CNTN6: variants seen among roughly 807,000 people sequenced by gnomAD.
CNTN6 encodes contactin 6.
Under a neutral mutation model 122.8 loss-of-function variants are expected in CNTN6, and 137 were observed. The ratio of observed to expected loss-of-function variants is 1.12; its 90% confidence interval spans 0.97 to 1.29. The LOEUF (loss-of-function observed/expected upper bound fraction) is 1.29. CNTN6 is among the 50% of genes most tolerant of loss of function. The pLI is 0.00. For missense variants in CNTN6, 1,634 were observed against 1,223.4 expected (o/e 1.34, Z -5.01); for synonymous variants, 570 against 426.0 (o/e 1.34, Z -4.16).
At chr3:1,172,292 G>A (rs924412660) in intron 2 of CNTN6, among the ~76,000 whole-genome samples, 1 of 152,100 alleles carries the variant, frequency 6.6e-6, no homozygotes, top group African/African-American at 2.4e-5. Context: ...CTCTGCAGAT[G>A]CTACTGGTGA....
chr3:1,183,978 T>C (rs2093595650), intron 2 of CNTN6, among the ~76,000 whole-genome samples: 1 of 152,208 alleles, frequency 6.6e-6, no homozygotes, highest in African/African-American at 2.4e-5. Flanking sequence ...CCTAGCTGGC[T>C]AGCGGCTGAA....
intron 4 of CNTN6, among the ~76,000 whole-genome samples, chr3:1,267,479 G>A (rs1236463762): frequency 6.6e-6 from 1 of 152,142 alleles, no homozygotes; most frequent in Non-Finnish European, 1.5e-5. Context: ...GAAGGTCTCA[G>A]TAATTAAGAG....
intron 2 of CNTN6, among the ~76,000 whole-genome samples, chr3:1,166,540 G>C (rs2093252927): frequency 1.3e-5 from 2 of 152,092 alleles, no homozygotes; most frequent in Admixed American, 6.6e-5. Context: ...TTGTTTTAAA[G>C]GAATCAAACT....
chr3:1,236,025 A>T (rs2094417024), intron 4 of CNTN6, among the ~76,000 whole-genome samples: 1 of 151,962 alleles, frequency 6.6e-6, no homozygotes, highest in Admixed American at 6.6e-5. Flanking sequence ...TCGGACTGGG[A>T]ACTGTACCCC....
intron 4 of CNTN6, among the ~76,000 whole-genome samples, chr3:1,234,878 TATC>T (rs1195044981): frequency 1.4e-4 from 22 of 152,334 alleles, no homozygotes; most frequent in African/African-American, 4.6e-4. Flanking sequence ...CACCAATTGT[TATC>T]ATATCAAGGA....
intron 2 of CNTN6, among the ~76,000 whole-genome samples, chr3:1,217,779 T>G (rs1464837010): frequency 6.6e-6 from 1 of 152,194 alleles, no homozygotes; most frequent in Non-Finnish European, 1.5e-5. Context: ...TAAGGAAGCA[T>G]GGATGTCCTG....
At chr3:1,286,703 C>T (rs1229327741) in intron 5 of CNTN6, among the ~76,000 whole-genome samples, 1 of 152,028 alleles carries the variant, frequency 6.6e-6, no homozygotes, top group Admixed American at 6.6e-5. Flanking sequence ...TGTAAACAGG[C>T]TAAATGTCCC....
At chr3:1,256,140 C>G (rs958600526) in intron 4 of CNTN6, among the ~76,000 whole-genome samples, 4 of 151,916 alleles carry the variant, frequency 2.6e-5, no homozygotes, top group Non-Finnish European at 5.9e-5. Flanking sequence ...TAAAGTGCTG[C>G]GATTACAGGC....
chr3:1,398,971 C>T (rs1005956365), intron 20 of CNTN6, among the ~76,000 whole-genome samples: 1 of 152,070 alleles, frequency 6.6e-6, no homozygotes, highest in Non-Finnish European at 1.5e-5. Context: ...AAGTCATTGC[C>T]AACATTGCAA....
chr3:1,329,793 C>G lies in CNTN6; in HGVS notation c.1222C>G (p.Pro408Ala). The G allele has an allele frequency of 6.2e-7, 1 of 1,605,924 alleles. No homozygotes were observed. The highest frequency in any genetic ancestry group is 8.5e-7 in the Non-Finnish European group (1 of 1,176,576). ...NAELRVLASAPDFSKSPVKKK... is the reference protein window; with the variant it reads ...NAELRVLASAADFSKSPVKKK... ...TTTGATTTTGTTTTTAGCCTCAGCTCCAGATTTCTCCAAAAGTCCAGTTAA... is the reference window on the plus strand; with the variant it reads ...TTTGATTTTGTTTTTAGCCTCAGCTGCAGATTTCTCCAAAAGTCCAGTTAA... The change falls in exon 11 of 23, where the codon CCA becomes GCA. Residue 408 changes from proline to alanine, a missense_variant. By Grantham distance (27) the Pro-to-Ala change is conservative. Transcript: ENST00000446702.
At chr3:1,177,945 G>A (rs1487764389) in intron 2 of CNTN6, among the ~76,000 whole-genome samples, 1 of 149,658 alleles carries the variant, frequency 6.7e-6, no homozygotes, top group African/African-American at 2.5e-5. Flanking sequence ...CTGTCACCTA[G>A]GCTGGAGTAC....
chr3:1,163,497 G>A (rs1384035885), intron 2 of CNTN6, among the ~76,000 whole-genome samples: 1 of 152,048 alleles, frequency 6.6e-6, no homozygotes, highest in Non-Finnish European at 1.5e-5. Context: ...CTACAGCCTC[G>A]AACCCCTGGG....
chr3:1,389,178 C>A (rs1693692818), intron 20 of CNTN6, among the ~76,000 whole-genome samples: 1 of 150,092 alleles, frequency 6.7e-6, no homozygotes, highest in Non-Finnish European at 1.5e-5. Context: ...GTCGGGTTAC[C>A]CTCAAAGGGA....
intron 1 of CNTN6, among the ~76,000 whole-genome samples, chr3:1,094,512 CTT>C (rs1182922531): frequency 1.3e-5 from 2 of 151,976 alleles, no homozygotes; most frequent in African/African-American, 4.8e-5. Flanking sequence ...AAATGCATAA[CTT>C]ATCACATCTT....
chr3:1,219,981 AACAGAAT>A (rs746932694), intron 2 of CNTN6, among the ~76,000 whole-genome samples: 34,821 of 151,376 alleles, frequency 0.23, 4,827 homozygotes, highest in African/African-American at 0.38. Context: ...CAGCCTGTGC[AACAGAAT>A]GACAATCTGT....
intron 19 of CNTN6, among the ~76,000 whole-genome samples, chr3:1,384,436 A>C (rs1692436106): frequency 6.6e-6 from 1 of 152,064 alleles, no homozygotes; most frequent in South Asian, 2.1e-4. Flanking sequence ...AATGAAAAAA[A>C]ATACCTAGAT....
At chr3:1,308,322 T>TGTGTGTGTGC (rs940409528) in intron 7 of CNTN6, among the ~76,000 whole-genome samples, 1 of 149,378 alleles carries the variant, frequency 6.7e-6, no homozygotes, top group Non-Finnish European at 1.5e-5. Flanking sequence ...TGTGTGTGTG[T>TGTGTGTGTGC]GCACCTGTTA....
chr3:1,385,365 G>A (rs1403001365), intron 19 of CNTN6, among the ~76,000 whole-genome samples: 5 of 151,950 alleles, frequency 3.3e-5, no homozygotes, highest in Admixed American at 3.3e-4. Flanking sequence ...ACTTTATTTT[G>A]GTAATCTAAA....
rs1252839149 is a variant in CNTN6 at position 1,372,420 on chromosome 3, T to C, written c.1614T>C (p.Asn538=). ...AAGTGGTATTTGTATGGTTTTTCAATGGAGATGTCATAGACTTAAAAAAAG... is the reference window on the plus strand; with the variant it reads ...AAGTGGTATTTGTATGGTTTTTCAACGGAGATGTCATAGACTTAAAAAAAG... ...SIEVVFVWFF[N]GDVIDLKKGV... Residue 538 remains asparagine, a synonymous_variant, in exon 13 of 23, where the codon AAT becomes AAC. Coordinates refer to ENST00000446702, the MANE Select transcript of CNTN6 (RefSeq NM_001289080.2). 1 of 1,613,226 alleles carries C rather than the reference T, an allele frequency of 6.2e-7. No homozygotes were observed. The highest frequency in any genetic ancestry group is 1.1e-5 in the South Asian group (1 of 91,030).
Sources: allele counts gnomAD v4.1 joint callset (sites outside exome capture counted in the v4.1 genomes callset), GRCh38; gene constraint gnomAD v4.1.1; transcripts MANE v1.5; gene names NCBI Gene and HGNC (gene_info 2026-07-23, HGNC 2026-07-21).